The following PRKG2 variants were observed in gnomAD, a reference collection of about 807,000 sequenced individuals.
The protein encoded by PRKG2 is cGMP-dependent protein kinase 2.
PRKG2 carries 33 observed loss-of-function variants against 97.2 expected under a neutral mutation model. The ratio of observed to expected loss-of-function variants is 0.34; its 90% CI spans 0.26 to 0.45. The LOEUF (loss-of-function observed/expected upper bound fraction) is 0.45, where lower values mean the gene tolerates loss of function less well. Among genes scored for constraint, PRKG2 ranks in the 20% least tolerant of loss-of-function variants. The pLI is 1.00. For missense variants in PRKG2, 638 were observed against 900.0 expected (o/e 0.71, Z 3.73); for synonymous variants, 330 against 321.8 (o/e 1.03, Z -0.27).
chr4:81,114,990 G>C (rs2109990058), intron 14 of PRKG2, among the ~76,000 whole-genome samples: 1 of 152,136 alleles, frequency 6.6e-6, no homozygotes, highest in South Asian at 2.1e-4. Context: ...TTTCACTGCT[G>C]TATTATAACA....
At chr4:81,105,137 G>C (rs980223950) in intron 16 of PRKG2, among the ~76,000 whole-genome samples, 1 of 152,000 alleles carries the variant, frequency 6.6e-6, no homozygotes, top group African/African-American at 2.4e-5. Flanking sequence ...AATTCGTTAC[G>C]CGTATATAAT....
chr4:81,188,833 T>C (rs1245509862), intron 2 of PRKG2, among the ~76,000 whole-genome samples: 2 of 76,472 alleles, frequency 2.6e-5, no homozygotes, highest in Non-Finnish European at 3.9e-5. Context: ...TGAGATCACA[T>C]GGACACAGGA....
intron 14 of PRKG2, among the ~76,000 whole-genome samples, chr4:81,125,765 T>C (rs1464654503): frequency 1.3e-5 from 2 of 152,228 alleles, no homozygotes; most frequent in Non-Finnish European, 2.9e-5. Context: ...AAACTTGGTA[T>C]TATAAATCTT....
chr4:81,126,647 A>G (rs919242852), intron 14 of PRKG2, among the ~76,000 whole-genome samples: 1 of 151,894 alleles, frequency 6.6e-6, no homozygotes, highest in Admixed American at 6.6e-5. Flanking sequence ...GCTTTCTTTC[A>G]TATGTTTTTT....
chr4:81,207,885 C>G (rs1217883652), intron 1 of PRKG2, among the ~76,000 whole-genome samples: 2 of 152,136 alleles, frequency 1.3e-5, no homozygotes, highest in Non-Finnish European at 2.9e-5. Context: ...CTTCATAAAA[C>G]CTAATTAGAT....
At chr4:81,212,498 A>C (rs1404957805) in intron 1 of PRKG2, among the ~76,000 whole-genome samples, 1 of 152,176 alleles carries the variant, frequency 6.6e-6, no homozygotes, top group African/African-American at 2.4e-5. Context: ...TTGAAAGTTT[A>C]TACTGTGGCA....
At chr4:81,191,026 G>A (rs542317926) in intron 2 of PRKG2, among the ~76,000 whole-genome samples, 3 of 152,262 alleles carry the variant, frequency 2.0e-5, no homozygotes, top group Non-Finnish European at 2.9e-5. Context: ...ACAGTGTGGC[G>A]ATTCCTCAAG....
At chr4:81,153,481 C>T in intron 7 of PRKG2, 163 bp downstream of exon 7, 1 of 565,786 alleles carries the variant, frequency 1.8e-6, no homozygotes, top group Non-Finnish European at 3.1e-6. Flanking sequence ...GGCCTCCACT[C>T]CAAAGCCAGT....
intron 2 of PRKG2, among the ~76,000 whole-genome samples, chr4:81,179,674 T>C (rs1472466609): frequency 1.3e-5 from 2 of 152,014 alleles, no homozygotes; most frequent in Admixed American, 1.3e-4. Context: ...AAGAAATAAA[T>C]GTAGAAAACA....
intron 6 of PRKG2, among the ~76,000 whole-genome samples, chr4:81,160,632 C>CATAATGCAATATCCAAAGATTTG (rs1251761709): frequency 2.0e-5 from 3 of 152,150 alleles, no homozygotes; most frequent in Admixed American, 2.0e-4. Flanking sequence ...GTAGTGCTGT[C>CATAATGCAATATCCAAAGATTTG]ATAATGCAAT....
chr4:81,182,581 T>C (rs1409042636), intron 2 of PRKG2, among the ~76,000 whole-genome samples: 2 of 151,946 alleles, frequency 1.3e-5, no homozygotes, highest in Non-Finnish European at 2.9e-5. Flanking sequence ...AAATAAAATA[T>C]GTAAACATAG....
At chr4:81,132,799 A>C (rs535415157) in intron 14 of PRKG2, among the ~76,000 whole-genome samples, 2 of 152,256 alleles carry the variant, frequency 1.3e-5, no homozygotes, top group East Asian at 3.9e-4. Flanking sequence ...CATATCTGTT[A>C]GATCTTTTTT....
intron 1 of PRKG2, among the ~76,000 whole-genome samples, chr4:81,208,413 G>C (rs1035853548): frequency 3.9e-5 from 6 of 152,118 alleles, no homozygotes; most frequent in African/African-American, 1.4e-4. Flanking sequence ...TCTTCCACAA[G>C]AGTCTTTTGT....
intron 14 of PRKG2, among the ~76,000 whole-genome samples, chr4:81,127,240 A>C (rs1227431513): frequency 6.6e-6 from 1 of 152,124 alleles, no homozygotes; most frequent in Non-Finnish European, 1.5e-5. Flanking sequence ...CTGTTTTGGG[A>C]CCAGTACCAT....
intron 2 of PRKG2, among the ~76,000 whole-genome samples, chr4:81,203,079 G>GTA (rs1319536892): frequency 6.6e-6 from 1 of 151,272 alleles, no homozygotes; most frequent in Non-Finnish European, 1.5e-5. Flanking sequence ...TATTATATAT[G>GTA]TATATATATA....
intron 2 of PRKG2, among the ~76,000 whole-genome samples, chr4:81,177,865 C>T (rs1364636130): frequency 6.6e-6 from 1 of 151,922 alleles, no homozygotes; most frequent in African/African-American, 2.4e-5. Context: ...AACTTAGAGT[C>T]ATGATCTACA....
intron 15 of PRKG2, among the ~76,000 whole-genome samples, chr4:81,107,386 A>T (rs1032774305): frequency 5.9e-5 from 9 of 152,120 alleles, no homozygotes; most frequent in African/African-American, 2.2e-4. Flanking sequence ...CAAGAACTGA[A>T]TTGGTCCAAT....
chr4:81,138,963 C>G (rs1383315905), intron 12 of PRKG2, among the ~76,000 whole-genome samples: 3 of 152,104 alleles, frequency 2.0e-5, no homozygotes, highest in African/African-American at 7.2e-5. Flanking sequence ...GAGAAAGAGT[C>G]TTTTAAAGCA....
intron 2 of PRKG2, 140 bp from the exon 3 acceptor site, chr4:81,175,099 C>A: frequency 1.4e-6 from 1 of 739,162 alleles, no homozygotes; most frequent in Non-Finnish European, 2.0e-6. Context: ...TCTAACCCCA[C>A]CAAACATTTC....
Sources: gnomAD v4.1 joint callset for allele counts (sites outside exome capture counted in the v4.1 genomes callset) on GRCh38, gnomAD v4.1.1 for gene constraint, MANE v1.5 for transcripts, NCBI Gene and HGNC (gene_info 2026-07-23, HGNC 2026-07-21) for gene names.